Variants in POC5 observed in about 807,000 individuals in gnomAD.
POC5 encodes POC5 centriolar protein, also known as centrosomal protein POC5.
In POC5, 48 loss-of-function variants were observed where a neutral mutation model predicts 62.9. The ratio of observed to expected loss-of-function variants is 0.76; its 90% CI spans 0.61 to 0.97. The LOEUF is 0.97. Ranked by LOEUF, POC5 falls within the 50% of genes least tolerant of loss-of-function variation. POC5 has a pLI of 0.00. For synonymous variants in POC5, 236 were observed against 228.2 expected (o/e 1.03, Z -0.31); for missense variants, 696 against 679.5 (o/e 1.02, Z -0.27).
At position 75,677,771 on chromosome 5, in the gene POC5, C is replaced by T. The variant is rs767469864; in HGVS notation, c.1584+3G>A. ...GACAAAAGGTCATCAAATGTGGACT[C>T]ACCACTGTGACTGGATGATGTTTTT... On this transcript the variant is annotated splice_donor_region_variant and intron_variant, in intron 11 of 11. Transcript: ENST00000428202. 1 of 1,596,146 alleles carries T rather than the reference C, an allele frequency of 6.3e-7. No homozygotes were observed. Among genetic ancestry groups the T allele is most frequent in the Admixed American group, 1.7e-5 (1 of 57,692 alleles).
intron 10 of POC5, among the ~76,000 whole-genome samples, chr5:75,683,804 A>G (rs1431770927): frequency 6.6e-6 from 1 of 151,978 alleles, no homozygotes; most frequent in African/African-American, 2.4e-5. Flanking sequence ...CTTGGGCTCA[A>G]GCGATCCTCC....
rs531869421 is a variant in POC5, at chr5:75,693,497, C to G, written c.691-997G>C. Among the ~76,000 whole-genome samples the G allele has an allele frequency of 3.9e-5, 6 of 152,166 alleles. 1 individual carries two copies. Among genetic ancestry groups the G allele is most frequent in the South Asian group, 4.1e-4 (2 of 4,824 alleles). ...TACCTGTCTATCCACTTTACTCATT[C>G]TCATAAACTGAACATATGATATCTA... On this transcript the variant is annotated intron_variant, in intron 6 of 11. Coordinates refer to ENST00000428202, the MANE Select transcript of POC5 (RefSeq NM_001099271.2).
chr5:75,697,562 A>G (rs1776661437), intron 5 of POC5, among the ~76,000 whole-genome samples: 1 of 152,208 alleles, frequency 6.6e-6, no homozygotes, highest in Admixed American at 6.5e-5. Context: ...GAAGTGCTAA[A>G]CATGGAAAGG....
intron 5 of POC5, 36 bp from the exon 6 acceptor site, chr5:75,694,867 T>C: frequency 7.3e-7 from 1 of 1,365,646 alleles, no homozygotes; most frequent in Non-Finnish European, 1.0e-6. Flanking sequence ...AAGTAGTTTG[T>C]TCGTTAATAT....
intron 7 of POC5, among the ~76,000 whole-genome samples, chr5:75,691,543 A>T (rs1455357062): frequency 6.6e-6 from 1 of 152,190 alleles, no homozygotes; most frequent in Non-Finnish European, 1.5e-5. Flanking sequence ...AATTTTGTGC[A>T]TAAGGTGTGA....
intron 1 of POC5, among the ~76,000 whole-genome samples, chr5:75,713,774 G>A (rs1258775094): frequency 6.6e-6 from 1 of 152,164 alleles, no homozygotes; most frequent in Non-Finnish European, 1.5e-5. Flanking sequence ...AGATGAGTAG[G>A]TCTCATCCTG....
At chr5:75,716,385 G>GC (rs1296210791) in intron 1 of POC5, among the ~76,000 whole-genome samples, 1 of 36,830 alleles carries the variant, frequency 2.7e-5, no homozygotes, top group African/African-American at 7.5e-5. Context: ...AACAGGGGTG[G>GC]GGGGGGGGGG....
intron 3 of POC5, among the ~76,000 whole-genome samples, chr5:75,707,271 G>A (rs1323894852): frequency 3.9e-5 from 6 of 152,186 alleles, no homozygotes; most frequent in African/African-American, 1.4e-4. Flanking sequence ...GTCCACAGAT[G>A]GGTTCACCTT....
Position 75,674,155 on chromosome 5 carries a change from G to A in POC5, c.*280C>T, listed in dbSNP as rs1775564584. On this transcript the variant is annotated 3_prime_UTR_variant, in exon 12 of 12. Coordinates refer to ENST00000428202, the MANE Select transcript of POC5 (RefSeq NM_001099271.2). ...AAATAAATTTATATATTTTGATGCT[G>A]TAATCAGCAACAGGCTAAACATATT... 2.3e-5 allele frequency: 5 copies of A among 216,044 alleles called. No homozygotes were observed. The South Asian group carries it at 7.6e-4, about 33-fold the overall frequency. The allele number at this position is 216,044 out of a possible 1,614,324, so 13.4% of individuals were successfully genotyped here.
intron 5 of POC5, among the ~76,000 whole-genome samples, chr5:75,697,671 C>T (rs923018241): frequency 7.3e-5 from 11 of 151,654 alleles, no homozygotes; most frequent in African/African-American, 2.4e-4. Flanking sequence ...AATCAGCTAA[C>T]ATCATAATGT....
chr5:75,698,044 A>G (rs1372253962), intron 5 of POC5, among the ~76,000 whole-genome samples: 2 of 144,844 alleles, frequency 1.4e-5, no homozygotes, highest in Non-Finnish European at 3.1e-5. Flanking sequence ...TGCACCCAAT[A>G]CAAGAGCACC....
At chr5:75,714,969 A>C (rs1777489915) in intron 1 of POC5, among the ~76,000 whole-genome samples, 1 of 152,092 alleles carries the variant, frequency 6.6e-6, no homozygotes, top group African/African-American at 2.4e-5. Flanking sequence ...AATGTGAGAA[A>C]AAGTTCTTAT....
chr5:75,684,994 A>G (rs954811646), intron 10 of POC5, among the ~76,000 whole-genome samples: 19 of 151,510 alleles, frequency 1.3e-4, no homozygotes, highest in Non-Finnish European at 2.2e-4. Context: ...TGGCCTCCTG[A>G]GTAGCTGGGA....
rs536761376 is a variant in POC5 at position 75,704,744 on chromosome 5, C to T, written c.307+960G>A. Among the ~76,000 whole-genome samples the T allele has an allele frequency of 2.0e-5, 3 of 152,280 alleles. No individual in the cohort carries two copies. In the East Asian group the frequency reaches 5.8e-4, roughly 29 times the overall value. On this transcript the variant is annotated intron_variant, in intron 4 of 11. Transcript: ENST00000428202. Reference sequence around the variant, plus strand: ...TTATGATGCCTAAGACTTCTACTTACAAGTGAGGAAACTAAGGGTTAGAGG... The same window carrying T: ...TTATGATGCCTAAGACTTCTACTTATAAGTGAGGAAACTAAGGGTTAGAGG...
At chr5:75,684,653 G>A (rs1776023287) in intron 10 of POC5, among the ~76,000 whole-genome samples, 1 of 151,980 alleles carries the variant, frequency 6.6e-6, no homozygotes, top group African/African-American at 2.4e-5. Context: ...GTGAGCCACC[G>A]CGCCCGGCTC....
chr5:75,674,874 A>C (rs1775594289), intron 11 of POC5, among the ~76,000 whole-genome samples: 1 of 152,214 alleles, frequency 6.6e-6, no homozygotes. Context: ...GAATCTTGTA[A>C]TGTGTACAGA....
At chr5:75,678,912 C>T (rs1405965038) in intron 10 of POC5, among the ~76,000 whole-genome samples, 1 of 152,138 alleles carries the variant, frequency 6.6e-6, no homozygotes, top group Admixed American at 6.5e-5. Context: ...AATTACACAG[C>T]CGCCTGTTTA....
chr5:75,697,225 G>A (rs926514527), intron 5 of POC5, among the ~76,000 whole-genome samples: 1 of 152,052 alleles, frequency 6.6e-6, no homozygotes, highest in African/African-American at 2.4e-5. Context: ...GATACTCCTC[G>A]AGAAGAGCAA....
intron 11 of POC5, among the ~76,000 whole-genome samples, chr5:75,677,185 A>AGT (rs1775700584): frequency 6.6e-6 from 1 of 152,258 alleles, no homozygotes; most frequent in African/African-American, 2.4e-5. Flanking sequence ...ATATATCACA[A>AGT]AGCCAACAAG....
Sources: allele counts gnomAD v4.1 joint callset (sites outside exome capture counted in the v4.1 genomes callset), GRCh38; gene constraint gnomAD v4.1.1; transcripts MANE v1.5; gene names NCBI Gene and HGNC (gene_info 2026-07-23, HGNC 2026-07-21).